The following TBC1D1 variants were observed in gnomAD, a reference collection of about 807,000 sequenced individuals.
TBC1D1 encodes the protein TBC1 domain family member 1, also known as TBC1 (tre-2/USP6, BUB2, cdc16) domain family, member 1.
TBC1D1 carries 89 observed loss-of-function variants against 125.6 expected under a neutral mutation model. The observed-to-expected ratio is 0.71, with a 90% CI of 0.60 to 0.85. The LOEUF (loss-of-function observed/expected upper bound fraction) is 0.85. TBC1D1 is among the 40% of genes least tolerant of loss of function. The pLI is 0.00. For missense variants in TBC1D1, 1,377 were observed against 1,469.2 expected (o/e 0.94, Z 1.03); for synonymous variants, 565 against 564.1 (o/e 1.00, Z -0.02).
chr4:38,004,381 T>C (rs980580016), intron 2 of TBC1D1, among the ~76,000 whole-genome samples: 3 of 152,228 alleles, frequency 2.0e-5, no homozygotes, highest in Non-Finnish European at 2.9e-5. Context: ...TTTCTTACAC[T>C]GAAATGCAAT....
At chr4:37,984,112 G>A (rs932404932) in intron 2 of TBC1D1, among the ~76,000 whole-genome samples, 1 of 149,314 alleles carries the variant, frequency 6.7e-6, no homozygotes, top group Non-Finnish European at 1.5e-5. Context: ...TCATTTTTTT[G>A]TGCTGAATCA....
chr4:38,088,875 G>GGGCAC (rs1757978575), intron 12 of TBC1D1, among the ~76,000 whole-genome samples: 1 of 152,120 alleles, frequency 6.6e-6, no homozygotes, highest in Non-Finnish European at 1.5e-5. Context: ...GCCCTATTAA[G>GGGCAC]TGCAGTGCAA....
chr4:37,984,841 CAAA>C (rs774568817), intron 2 of TBC1D1, among the ~76,000 whole-genome samples: 6 of 92,974 alleles, frequency 6.5e-5, no homozygotes, highest in Admixed American at 1.1e-4. Context: ...GACCCTGTCT[CAAA>C]AAAAAAAAAA....
chr4:37,902,697 C>T (rs1021819398), intron 2 of TBC1D1, among the ~76,000 whole-genome samples, 185 bp downstream of exon 2: 5 of 152,192 alleles, frequency 3.3e-5, no homozygotes, highest in Non-Finnish European at 7.3e-5. Context: ...CATTTGAAAA[C>T]AGATACGAGA....
At chr4:37,985,016 G>C (rs903694616) in intron 2 of TBC1D1, among the ~76,000 whole-genome samples, 13 of 151,790 alleles carry the variant, frequency 8.6e-5, no homozygotes, top group Admixed American at 8.5e-4. Flanking sequence ...GCAGTGGCGT[G>C]ATCTCGGCTC....
intron 19 of TBC1D1, 106 bp from the exon 22 acceptor site, chr4:38,137,029 G>A: frequency 6.4e-7 from 1 of 1,565,232 alleles, no homozygotes; most frequent in Middle Eastern, 2.3e-4. Context: ...CATCCCTGCT[G>A]AAACTCGGCT....
intron 2 of TBC1D1, among the ~76,000 whole-genome samples, chr4:37,906,663 A>G (rs939538926): frequency 2.6e-5 from 4 of 152,224 alleles, no homozygotes; most frequent in Non-Finnish European, 5.9e-5. Context: ...TTAGAGCCTC[A>G]TCCCAGATCC....
rs766074895 is a variant in TBC1D1 at position 38,020,628 on chromosome 4, G to C, written c.1010G>C (p.Arg337Pro). The C allele has an allele frequency of 3.7e-6, 6 of 1,613,104 alleles. No individual in the cohort carries two copies. In the South Asian group the frequency reaches 5.5e-5, roughly 15 times the overall value. The change falls in exon 5 of 20, where the codon CGG (arginine) becomes CCG (proline). Residue 337 changes from arginine (R) to proline (P), a missense_variant. Transcript: ENST00000261439. The stretch of plus-strand genomic sequence containing the variant: ...GTGGACCACTTTGGGTTTATCTGTC[G>C]GGAGTCTTCCGGAGGTGGCGGCTTT...
At chr4:38,129,759 A>G (rs1053336145) in intron 18 of TBC1D1, among the ~76,000 whole-genome samples, 24 of 152,228 alleles carry the variant, frequency 1.6e-4, no homozygotes, top group African/African-American at 4.1e-4. Context: ...TAGTAAACAA[A>G]TATCTGGGAA....
chr4:37,944,735 C>T (rs7700134), intron 2 of TBC1D1, among the ~76,000 whole-genome samples: 4,269 of 152,268 alleles, frequency 0.028, 343 homozygotes, highest in East Asian at 0.28. Flanking sequence ...CTGTCTGTTA[C>T]GGCTTACCTT....
chr4:38,099,582 C>G (rs1208324949), intron 14 of TBC1D1, among the ~76,000 whole-genome samples: 1 of 152,168 alleles, frequency 6.6e-6, no homozygotes, highest in African/African-American at 2.4e-5. Flanking sequence ...CTTTATACCT[C>G]TTGCATTTCA....
chr4:38,007,575 T>C (rs938298067), intron 2 of TBC1D1, among the ~76,000 whole-genome samples: 6 of 152,208 alleles, frequency 3.9e-5, no homozygotes, highest in African/African-American at 1.2e-4. Flanking sequence ...TAATAACTTA[T>C]TTGAAATGCA....
intron 12 of TBC1D1, among the ~76,000 whole-genome samples, chr4:38,061,380 A>G (rs893169569): frequency 6.3e-4 from 96 of 152,352 alleles, no homozygotes; most frequent in African/African-American, 2.2e-3. Flanking sequence ...TATGCAAAAG[A>G]TAATCCTTTG....
At chr4:37,926,869 C>T (rs1482761264) in intron 2 of TBC1D1, among the ~76,000 whole-genome samples, 1 of 152,230 alleles carries the variant, frequency 6.6e-6, no homozygotes, top group East Asian at 1.9e-4. Context: ...GTAATCCCAG[C>T]ACTTTGGGAG....
intron 12 of TBC1D1, among the ~76,000 whole-genome samples, chr4:38,057,613 T>C (rs1035061977): frequency 6.6e-6 from 1 of 152,220 alleles, no homozygotes. Flanking sequence ...GTTCTGTGTA[T>C]GCAAAAGAAA....
intron 14 of TBC1D1, among the ~76,000 whole-genome samples, chr4:38,098,242 C>T (rs1471046510): frequency 1.3e-5 from 2 of 152,196 alleles, no homozygotes; most frequent in African/African-American, 2.4e-5. Flanking sequence ...TTTACCTTTA[C>T]ACCAAATGAC....
rs1578790255 is a variant in TBC1D1, at chr4:38,115,731, C to T, written c.2579C>T (p.Pro860Leu). 6.2e-7 allele frequency: 1 copy of T among 1,614,066 alleles called. No homozygotes were observed. The highest frequency in any genetic ancestry group is 8.5e-7 in the Non-Finnish European group (1 of 1,179,976). The change falls in exon 16 of 20, where the codon CCA becomes CTA. Residue 860 changes from proline (P) to leucine (L), a missense_variant. By Grantham distance (98) the Pro-to-Leu change is moderately conservative (BLOSUM62 -3). This residue lies in a region of TBC1D1 where 543 missense variants were observed against 613.5 expected (regional missense o/e 0.89). Coordinates refer to ENST00000261439, the MANE Select transcript of TBC1D1 (RefSeq NM_015173.4). ...ACAGGGCGAACCTTTCCTACACACC[C>T]ATACTTCTCTGCCCAGCTTGGAGCA...
At chr4:37,921,023 T>A (rs1345229001) in intron 2 of TBC1D1, among the ~76,000 whole-genome samples, 1 of 140,090 alleles carries the variant, frequency 7.1e-6, no homozygotes, top group African/African-American at 2.7e-5. Context: ...GGCGGGAGAA[T>A]GGCGCGAACC....
chr4:38,034,244 G>A (rs1325129906), intron 7 of TBC1D1, among the ~76,000 whole-genome samples: 1 of 152,228 alleles, frequency 6.6e-6, no homozygotes, highest in Non-Finnish European at 1.5e-5. Flanking sequence ...AGAATCTAAT[G>A]CCCACTTTCT....
Sources: gnomAD v4.1 joint callset for allele counts (sites outside exome capture counted in the v4.1 genomes callset) on GRCh38, gnomAD v4.1.1 for gene constraint, gnomAD v4.1.1 regional missense constraint, MANE v1.5 for transcripts, NCBI Gene and HGNC (gene_info 2026-07-23, HGNC 2026-07-21) for gene names.